Variants in CCDC3 observed in about 807,000 individuals in gnomAD.
The protein encoded by CCDC3 is coiled-coil domain-containing protein 3.
Under a neutral mutation model 21.4 loss-of-function variants are expected in CCDC3, and 24 were observed. The ratio of observed to expected loss-of-function variants is 1.12; its 90% confidence interval spans 0.81 to 1.58. CCDC3 has a LOEUF of 1.58. CCDC3 is among the 40% of genes most tolerant of loss of function. CCDC3 has a pLI of 0.00. For missense variants in CCDC3, 425 were observed against 360.9 expected (o/e 1.18, Z -1.44); for synonymous variants, 186 against 166.0 (o/e 1.12, Z -0.93).
At chr10:13,015,802 G>T (rs1485887815) in intron 5 of CCDC3, among the ~76,000 whole-genome samples, 1 of 151,958 alleles carries the variant, frequency 6.6e-6, no homozygotes, top group African/African-American at 2.4e-5. Context: ...TTCAGTAGGA[G>T]AGCCTAGGTT....
intron 2 of CCDC3, among the ~76,000 whole-genome samples, chr10:12,929,094 T>C (rs913409747): frequency 6.6e-6 from 1 of 152,076 alleles, no homozygotes; most frequent in South Asian, 2.1e-4. Flanking sequence ...AAACCCCTCC[T>C]CTACTAAAAA....
intron 2 of CCDC3, among the ~76,000 whole-genome samples, chr10:12,949,113 C>T (rs74118934): frequency 6.6e-6 from 1 of 152,208 alleles, no homozygotes; most frequent in Admixed American, 6.5e-5. Context: ...TGGGAGCAAA[C>T]ACTGCTGGTT....
At chr10:13,085,554 T>C (rs1837091921) in intron 3 of CCDC3, among the ~76,000 whole-genome samples, 2 of 152,248 alleles carry the variant, frequency 1.3e-5, no homozygotes, top group South Asian at 4.1e-4. Flanking sequence ...CATATCAGCA[T>C]ATTGAAGACC....
intron 5 of CCDC3, among the ~76,000 whole-genome samples, chr10:13,035,413 GAAGAT>G (rs1385807121): frequency 9.2e-5 from 14 of 152,282 alleles, no homozygotes; most frequent in African/African-American, 3.4e-4. Context: ...AGCTGGTAAA[GAAGAT>G]AAGTCTCAAC....
At chr10:12,953,624 A>C (rs1233662119) in intron 2 of CCDC3, among the ~76,000 whole-genome samples, 1 of 152,200 alleles carries the variant, frequency 6.6e-6, no homozygotes, top group African/African-American at 2.4e-5. Context: ...TGTGAGTCTT[A>C]CTGCTGCCTT....
rs556307401 is a variant in CCDC3, at chr10:12,967,854, G to A, written c.549+30484C>T. Among the ~76,000 whole-genome samples, 18 of 152,232 alleles carry A rather than the reference G, an allele frequency of 1.2e-4. No homozygotes were observed. The South Asian group carries it at 2.9e-3, about 25-fold the overall frequency. On this transcript the variant is annotated intron_variant, in intron 2 of 2. Transcript: ENST00000378825. ...TTCAATCCAAACAAGACTATCCCAA[G>A]ACATATTATCATCACACTGTCAAGT... is the stretch of plus-strand genomic sequence containing the variant.
chr10:13,024,085 T>G (rs369192389), intron 5 of CCDC3, among the ~76,000 whole-genome samples: 6 of 152,298 alleles, frequency 3.9e-5, no homozygotes. Flanking sequence ...CTCTGTGCTT[T>G]AGGCTCTGTT....
rs117775370 is a variant in CCDC3, at chr10:13,021,344, C to A, written c.-1-22832G>T. ...TGCTCTCCAGGTCTTCACTCAAAAT[C>A]TTCTCTCCACTTCAATCCTCTCTTA... On this transcript the variant is annotated intron_variant, in intron 5 of 6. Transcript: ENST00000378839. 3.4e-3 allele frequency among the ~76,000 whole-genome samples: 519 copies of A among 152,322 alleles called. 21 individuals carry two copies. In the East Asian group the frequency reaches 0.079, roughly 23 times the overall value.
chr10:12,916,225 C>A (rs118000392), intron 2 of CCDC3, among the ~76,000 whole-genome samples: 60 of 152,148 alleles, frequency 3.9e-4, no homozygotes, highest in Non-Finnish European at 6.2e-4. Flanking sequence ...CAAGGGCAGG[C>A]GATTGAGACC....
chr10:12,989,379 G>A (rs779353284), intron 2 of CCDC3, among the ~76,000 whole-genome samples: 5 of 152,084 alleles, frequency 3.3e-5, no homozygotes, highest in Non-Finnish European at 7.4e-5. Context: ...GAATCCTAGG[G>A]GGCCCCAGGA....
intron 4 of CCDC3, chr10:13,058,568 C>A: frequency 1.4e-6 from 1 of 691,580 alleles, no homozygotes; most frequent in Non-Finnish European, 2.7e-6. Flanking sequence ...TCCTGCATCA[C>A]CAAGCGTTTC....
chr10:13,046,365 C>G (rs1836528011), intron 5 of CCDC3, among the ~76,000 whole-genome samples: 1 of 150,948 alleles, frequency 6.6e-6, no homozygotes, highest in Non-Finnish European at 1.5e-5. Context: ...GTGATCGCGT[C>G]ACTTCATTCC....
intron 2 of CCDC3, among the ~76,000 whole-genome samples, chr10:12,923,355 T>G (rs981096143): frequency 3.3e-5 from 5 of 152,352 alleles, no homozygotes; most frequent in Admixed American, 2.6e-4. Context: ...ACAGCCACTC[T>G]GAAATACTCG....
At chr10:13,084,922 A>G (rs183871169) in intron 3 of CCDC3, among the ~76,000 whole-genome samples, 5 of 152,278 alleles carry the variant, frequency 3.3e-5, no homozygotes, top group South Asian at 2.1e-4. Context: ...ACGTTCCCCA[A>G]CAGAAAATCA....
chr10:13,058,481 A>C (rs1005492257), intron 4 of CCDC3: 2 of 752,678 alleles, frequency 2.7e-6, no homozygotes, highest in Non-Finnish European at 4.9e-6. Flanking sequence ...AATATGGCCT[A>C]AGCAATCTGA....
chr10:12,917,528 T>A (rs1257429688), intron 2 of CCDC3, among the ~76,000 whole-genome samples: 1 of 152,134 alleles, frequency 6.6e-6, no homozygotes, highest in Non-Finnish European at 1.5e-5. Context: ...CACATTGAGA[T>A]ACTGTGATCT....
intron 5 of CCDC3, among the ~76,000 whole-genome samples, chr10:13,013,208 G>T (rs11258123): frequency 0.15 from 22,559 of 152,200 alleles, 1,956 homozygotes; most frequent in Admixed American, 0.23. Context: ...CCAGCAGCCA[G>T]ATTTTGGTTT....
At chr10:13,064,763 G>C (rs1836804121) in intron 4 of CCDC3, among the ~76,000 whole-genome samples, 1 of 152,118 alleles carries the variant, frequency 6.6e-6, no homozygotes, top group African/African-American at 2.4e-5. Context: ...ACTCCAGCCT[G>C]GGCGACAGAA....
intron 2 of CCDC3, among the ~76,000 whole-genome samples, chr10:12,902,602 A>G (rs544344092): frequency 4.6e-5 from 7 of 152,328 alleles, no homozygotes; most frequent in African/African-American, 1.4e-4. Context: ...ACAGAACCCA[A>G]TAGTGGCTGG....
Sources: allele counts gnomAD v4.1 joint callset (sites outside exome capture counted in the v4.1 genomes callset), GRCh38; gene constraint gnomAD v4.1.1; transcripts MANE v1.5; gene names NCBI Gene and HGNC (gene_info 2026-07-23, HGNC 2026-07-21).